Variants in KIF5C observed in about 807,000 individuals in gnomAD.
KIF5C encodes kinesin family member 5C.
KIF5C carries 18 observed loss-of-function variants against 125.2 expected under a neutral mutation model. The ratio of observed to expected loss-of-function variants is 0.14; its 90% CI spans 0.10 to 0.21. KIF5C has a LOEUF of 0.21. KIF5C is among the 10% of genes least tolerant of loss of function. The probability of loss-of-function intolerance (pLI) is 1.00; values close to 1 mark genes in which losing one functional copy is unlikely to be tolerated. For synonymous variants in KIF5C, 405 were observed against 434.0 expected, an observed-to-expected ratio of 0.93 and a Z score of 0.83; for missense variants, 780 against 1,183.8, an observed-to-expected ratio of 0.66 and a Z score of 5.01.
chr2:149,005,313 C>T (rs1411712692), intron 21 of KIF5C, 80 bp from the exon 22 acceptor site: 28 of 1,560,152 alleles, frequency 1.8e-5, no homozygotes, highest in Admixed American at 3.8e-5. Context: ...TGGGAAGTGT[C>T]GGGGGAATGA....
At chr2:148,982,403 C>T (rs971047551) in intron 14 of KIF5C, among the ~76,000 whole-genome samples, 12 of 152,252 alleles carry the variant, frequency 7.9e-5, no homozygotes, top group African/African-American at 2.9e-4. Flanking sequence ...CTTAGCACCT[C>T]TGCCCAATGG....
intron 4 of KIF5C, among the ~76,000 whole-genome samples, chr2:148,940,696 T>G (rs577165748): frequency 6.6e-6 from 1 of 152,254 alleles, no homozygotes; most frequent in East Asian, 1.9e-4. Context: ...GGCAGATAAG[T>G]TTATTGGGTA....
chr2:148,991,581 A>G (rs1681527752), intron 16 of KIF5C, among the ~76,000 whole-genome samples: 2 of 152,184 alleles, frequency 1.3e-5, no homozygotes, highest in Non-Finnish European at 2.9e-5. Context: ...TACTAATAGT[A>G]GTAGTAGCAG....
chr2:148,991,761 A>G (rs1157692181), intron 16 of KIF5C, among the ~76,000 whole-genome samples: 1 of 152,216 alleles, frequency 6.6e-6, no homozygotes, highest in Non-Finnish European at 1.5e-5. Context: ...CAGCCCGTGA[A>G]TGACAGAGCT....
chr2:148,996,061 A>G (rs1681662511), intron 17 of KIF5C, among the ~76,000 whole-genome samples: 1 of 152,206 alleles, frequency 6.6e-6, no homozygotes, highest in Non-Finnish European at 1.5e-5. Flanking sequence ...AGGCTGAGGA[A>G]GGAGAATTGC....
intron 3 of KIF5C, among the ~76,000 whole-genome samples, chr2:148,936,963 T>C (rs933931597): frequency 3.3e-5 from 5 of 152,092 alleles, no homozygotes; most frequent in African/African-American, 1.2e-4. Context: ...TGCTCCCTTT[T>C]CCTCCTCCTC....
intron 16 of KIF5C, among the ~76,000 whole-genome samples, chr2:148,993,103 A>G (rs890975081): frequency 2.0e-5 from 3 of 152,214 alleles, no homozygotes; most frequent in African/African-American, 7.2e-5. Context: ...CCTGGCCTTC[A>G]GACCTGGAGT....
At chr2:148,918,059 A>G (rs867475322) in intron 1 of KIF5C, among the ~76,000 whole-genome samples, 1 of 152,214 alleles carries the variant, frequency 6.6e-6, no homozygotes. Flanking sequence ...TAGGCAGGCC[A>G]TATGGTTCCC....
intron 2 of KIF5C, among the ~76,000 whole-genome samples, chr2:148,928,707 C>G (rs191395731): frequency 1.3e-5 from 2 of 152,160 alleles, no homozygotes; most frequent in East Asian, 1.9e-4. Flanking sequence ...AGTGAGGGCC[C>G]GGCTAGTTTC....
In KIF5C at chr2:149,011,617, G is replaced by A. The variant is rs753121188; in HGVS notation, c.2815G>A (p.Val939Ile). ...CTACCCGGCCTCATCTCCAACGGCC[G>A]TCCATGCCATTCGAGGGGGAGGAGG... The part of the protein sequence containing the change: ...GHYPASSPTA[V>I]HAIRGGGGSS... The change falls in exon 25 of 26, where the codon GTC becomes ATC. Residue 939 changes from valine (V) to isoleucine (I), a missense_variant. Physicochemically the swap from Val to Ile is conservative, Grantham distance 29. Transcript: ENST00000435030. 28 of 1,613,946 alleles carry A rather than the reference G, an allele frequency of 1.7e-5. No homozygotes were observed. In the East Asian group the frequency reaches 2.9e-4, roughly 17 times the overall value.
chr2:149,020,226 A>G (rs1682491787), intron 25 of KIF5C: 1 of 152,208 alleles, frequency 6.6e-6, no homozygotes, highest in Admixed American at 6.5e-5. Flanking sequence ...TCCTGCTGGA[A>G]TCCATGTTTC....
At chr2:149,010,027 A>T (rs1682136325) in intron 23 of KIF5C, 108 bp from the exon 24 acceptor site, 1 of 1,449,194 alleles carries the variant, frequency 6.9e-7, no homozygotes, top group Non-Finnish European at 9.1e-7. Flanking sequence ...GCCAAGGACA[A>T]CCTAGCAGGG....
chr2:148,997,314 C>G lies in KIF5C; in HGVS notation c.2074C>G (p.Arg692Gly). The G allele has an allele frequency of 6.2e-7, 1 of 1,613,926 alleles. No individual in the cohort carries two copies. The highest frequency in any genetic ancestry group is 1.1e-5 in the South Asian group (1 of 91,078). The change falls in exon 18 of 26, where the codon CGG becomes GGG. Residue 692 changes from arginine (R) to glycine (G), a missense_variant. By Grantham distance (125) the Arg-to-Gly change is moderately radical (BLOSUM62 -2). Around this residue, in one of 2 missense-constraint regions of KIF5C, gnomAD observed 573 missense variants for 742.6 expected, o/e 0.77. Coordinates refer to ENST00000435030, the MANE Select transcript of KIF5C (RefSeq NM_004522.3). ...FQDKEKEHLT[R>G]LQDAEEMKKA... is the part of the protein sequence containing the mutation. Reference sequence around the variant, plus strand: ...GGATAAGGAGAAGGAACATCTGACGCGGTTGCAGGATGCTGAAGAAATGAA... The same window carrying G: ...GGATAAGGAGAAGGAACATCTGACGGGGTTGCAGGATGCTGAAGAAATGAA...
intron 8 of KIF5C, among the ~76,000 whole-genome samples, chr2:148,949,599 C>T (rs1333568189): frequency 6.6e-6 from 1 of 152,176 alleles, no homozygotes; most frequent in African/African-American, 2.4e-5. Context: ...TGCAGCTCCA[C>T]CATTTGAGGT....
At chr2:148,917,264 T>A (rs1396064637) in intron 1 of KIF5C, among the ~76,000 whole-genome samples, 2 of 152,224 alleles carry the variant, frequency 1.3e-5, no homozygotes, top group Non-Finnish European at 2.9e-5. Flanking sequence ...ACAGTAGGGA[T>A]CTCTGTCTTT....
In KIF5C at chr2:148,953,515, A is replaced by G. The variant is rs114460620; in HGVS notation, c.968+3053A>G. ...CAGCAGACACAAGACTGAACATCGG[A>G]TTAGACATGGTATGTGATAGCTAAT... On this transcript the variant is annotated intron_variant, in intron 10 of 25. Transcript: ENST00000435030. 2.5e-3 allele frequency among the ~76,000 whole-genome samples: 386 copies of G among 152,342 alleles called. 4 individuals carry two copies. The highest frequency in any genetic ancestry group is 8.8e-3 in the African/African-American group (366 of 41,572).
rs114430684 is a variant in KIF5C, at chr2:148,917,691, T to A, written c.127-4446T>A. ...CAGAGTTACTTATTGTTCTCCATAG[T>A]CAGTTCCTCTTCTGAATACAGTACT... On this transcript the variant is annotated intron_variant, in intron 1 of 25. Coordinates refer to ENST00000435030, the MANE Select transcript of KIF5C (RefSeq NM_004522.3). Among the ~76,000 whole-genome samples the A allele has an allele frequency of 9.6e-3, 1,468 of 152,326 alleles. 23 individuals are homozygous for A. Among genetic ancestry groups the A allele is most frequent in the African/African-American group, 0.031 (1,300 of 41,560 alleles).
intron 18 of KIF5C, 30 bp from the exon 19 acceptor site, chr2:148,998,370 A>G (rs772426370): frequency 2.6e-6 from 4 of 1,553,068 alleles, no homozygotes; most frequent in Non-Finnish European, 3.5e-6. Flanking sequence ...CAACGAGTAG[A>G]TGACATGTTT....
chr2:149,016,391 G>T (rs1407647223), intron 25 of KIF5C, among the ~76,000 whole-genome samples: 1 of 152,154 alleles, frequency 6.6e-6, no homozygotes, highest in African/African-American at 2.4e-5. Context: ...GTGGCCATGG[G>T]GGAGGGTCCG....
Sources: gnomAD v4.1 joint callset for allele counts (sites outside exome capture counted in the v4.1 genomes callset) on GRCh38, gnomAD v4.1.1 for gene constraint, gnomAD v4.1.1 regional missense constraint, MANE v1.5 for transcripts, NCBI Gene and HGNC (gene_info 2026-07-23, HGNC 2026-07-21) for gene names.